The following CDYL variants were observed in gnomAD, a reference collection of about 807,000 sequenced individuals.
CDYL encodes chromodomain Y like.
CDYL carries 8 observed loss-of-function variants against 47.3 expected under a neutral mutation model. The ratio of observed to expected loss-of-function variants is 0.17; its 90% CI spans 0.10 to 0.31. The LOEUF is 0.31. Ranked by LOEUF, CDYL falls within the 10% of genes least tolerant of loss-of-function variation. The pLI is 1.00. For missense variants in CDYL, 471 were observed against 701.4 expected (o/e 0.67, Z 3.71); for synonymous variants, 266 against 265.0 (o/e 1.00, Z -0.04).
At chr6:4,775,724 C>T (rs1246750750), upstream of CDYL, among the ~76,000 whole-genome samples, 2 of 147,974 alleles carry the variant, frequency 1.4e-5, no homozygotes, top group African/African-American at 4.9e-5. This position sits in a 1 kb window ranked among gnomAD's most constrained non-coding sequence, Gnocchi z 7.0. Context: ...CGGGCCACCC[C>T]GCGGGGCGCG....
At chr6:4,830,229 G>A (rs539614945) in intron 1 of CDYL, among the ~76,000 whole-genome samples, 8 of 152,330 alleles carry the variant, frequency 5.3e-5, no homozygotes, top group East Asian at 1.9e-4. Flanking sequence ...AACAATTGGC[G>A]CTGGCTTATG....
intron 2 of CDYL, among the ~76,000 whole-genome samples, chr6:4,929,108 T>C (rs567866794): frequency 6.6e-6 from 1 of 152,342 alleles, no homozygotes; most frequent in South Asian, 2.1e-4. Context: ...TTTTTTAACA[T>C]TCCTTACAGT....
intron 2 of CDYL, among the ~76,000 whole-genome samples, chr6:4,734,127 AC>A (rs1757658330): frequency 1.3e-5 from 2 of 151,820 alleles, no homozygotes; most frequent in South Asian, 4.2e-4. Context: ...GGCATGAGCC[AC>A]CACGCCCAGC....
At chr6:4,708,671 T>C (rs1757092010) in intron 1 of CDYL, among the ~76,000 whole-genome samples, 1 of 152,214 alleles carries the variant, frequency 6.6e-6, no homozygotes, top group Non-Finnish European at 1.5e-5. Context: ...AGTTTATAAA[T>C]CTTATATGCA....
intron 1 of CDYL, among the ~76,000 whole-genome samples, chr6:4,828,664 GA>G (rs1328010196): frequency 6.6e-6 from 1 of 152,050 alleles, no homozygotes; most frequent in Non-Finnish European, 1.5e-5. Context: ...TCTTTCTTCA[GA>G]TTTAGGAAGC....
intron 1 of CDYL, among the ~76,000 whole-genome samples, chr6:4,852,461 TTCC>T (rs148714237): frequency 4.1e-3 from 553 of 133,472 alleles, no homozygotes; most frequent in African/African-American, 0.016. Context: ...TCTTCCTTCC[TTCC>T]TTCCAATCTT....
intron 2 of CDYL, among the ~76,000 whole-genome samples, chr6:4,724,174 G>T (rs781523030): frequency 6.6e-6 from 1 of 151,964 alleles, no homozygotes; most frequent in African/African-American, 2.4e-5. Flanking sequence ...CGAAGTAGCT[G>T]GGACCACAGG....
At chr6:4,934,187 C>T (rs753182646) in intron 2 of CDYL, among the ~76,000 whole-genome samples, 1 of 152,102 alleles carries the variant, frequency 6.6e-6, no homozygotes, top group Admixed American at 6.5e-5. Flanking sequence ...GGAGGGGCCC[C>T]TGAGAACCCA....
chr6:4,827,235 T>A (rs918800179), intron 1 of CDYL, among the ~76,000 whole-genome samples: 8 of 152,372 alleles, frequency 5.3e-5, no homozygotes, highest in African/African-American at 1.9e-4. Context: ...ATAATGTTTT[T>A]ATATCCATTC....
intron 3 of CDYL, among the ~76,000 whole-genome samples, chr6:4,745,953 AG>A (rs1430728879): frequency 6.6e-6 from 1 of 152,198 alleles, no homozygotes; most frequent in Non-Finnish European, 1.5e-5. Flanking sequence ...AGCCATGGGT[AG>A]GGGTGTGACA....
At position 4,954,006 on chromosome 6, in the gene CDYL, G is replaced by C; in HGVS notation, c.1585G>C (p.Gly529Arg). The change falls in exon 7 of 7, where the codon GGG (glycine) becomes CGG (arginine). Residue 529 changes from glycine to arginine, a missense_variant. Physicochemically the swap from Gly to Arg is moderately radical, Grantham distance 125 (BLOSUM62 -2). Transcript: ENST00000397588. Reference sequence around the variant, plus strand: ...GAAGAAAATCTGGGGCTCGGCCCAGGGGATGGACTCCATGTTAAAGTACTT... The same window carrying C: ...GAAGAAAATCTGGGGCTCGGCCCAGCGGATGGACTCCATGTTAAAGTACTT... ...VLKKIWGSAQ[G>R]MDSMLKYLQR... 1 of 1,614,070 alleles carries C rather than the reference G, an allele frequency of 6.2e-7. No individual in the cohort carries two copies. Among genetic ancestry groups the C allele is most frequent in the African/African-American group, 1.3e-5 (1 of 75,026 alleles).
chr6:4,895,118 CAT>C (rs199826525), intron 2 of CDYL, among the ~76,000 whole-genome samples: 11 of 146,472 alleles, frequency 7.5e-5, no homozygotes, highest in Middle Eastern at 3.7e-3. Context: ...TATCTATATG[CAT>C]ATATATGTGC....
chr6:4,831,660 T>C (rs1027389988), intron 1 of CDYL, among the ~76,000 whole-genome samples: 5 of 152,138 alleles, frequency 3.3e-5, no homozygotes, highest in African/African-American at 4.8e-5. Context: ...ATCTATAAAT[T>C]ACCTTGGGCA....
intron 3 of CDYL, among the ~76,000 whole-genome samples, chr6:4,737,912 AAC>A (rs1757731557): frequency 6.6e-6 from 1 of 152,244 alleles, no homozygotes. Context: ...TCAACACAAT[AAC>A]AGACATCTTA....
chr6:4,950,397 A>G (rs1581294775), intron 5 of CDYL, among the ~76,000 whole-genome samples: 1 of 152,280 alleles, frequency 6.6e-6, no homozygotes, highest in Admixed American at 6.5e-5. Flanking sequence ...TCCTCACTCT[A>G]TGCTGAGAAT....
chr6:4,780,911 C>T (rs1032500744), intron 1 of CDYL, among the ~76,000 whole-genome samples: 4 of 152,132 alleles, frequency 2.6e-5, no homozygotes, highest in African/African-American at 4.8e-5. Context: ...TCACGTGGGA[C>T]TGAATAAGGA....
intron 2 of CDYL, among the ~76,000 whole-genome samples, chr6:4,910,750 C>T (rs918949272): frequency 2.6e-5 from 4 of 151,864 alleles, no homozygotes; most frequent in African/African-American, 9.7e-5. Context: ...GTGTTGGAAG[C>T]GATGGTTTGG....
chr6:4,786,098 T>G (rs915691256), intron 1 of CDYL, among the ~76,000 whole-genome samples: 2 of 152,218 alleles, frequency 1.3e-5, no homozygotes, highest in African/African-American at 4.8e-5. Flanking sequence ...TATGGTCATT[T>G]CCACCCAAGT....
chr6:4,719,735 C>T (rs978380537), intron 2 of CDYL, among the ~76,000 whole-genome samples: 2 of 152,270 alleles, frequency 1.3e-5, no homozygotes, highest in South Asian at 2.1e-4. Flanking sequence ...GAATCAGATA[C>T]TCTGCCCACC....
Sources: allele counts gnomAD v4.1 joint callset (sites outside exome capture counted in the v4.1 genomes callset), GRCh38; gene constraint gnomAD v4.1.1; non-coding constraint Gnocchi (gnomAD v3.1); transcripts MANE v1.5; gene names NCBI Gene and HGNC (gene_info 2026-07-23, HGNC 2026-07-21).